PCDH18: variants seen among roughly 807,000 people sequenced by gnomAD.
PCDH18 encodes protocadherin-18.
In PCDH18, 38 loss-of-function variants were observed where a neutral mutation model predicts 71.5. That is an observed-to-expected ratio of 0.53 (90% CI 0.41 to 0.70). The LOEUF (loss-of-function observed/expected upper bound fraction) is 0.70, where lower values mean the gene tolerates loss of function less well. Among genes scored for constraint, PCDH18 ranks in the 30% least tolerant of loss-of-function variants. The pLI, the probability that PCDH18 is intolerant of heterozygous loss-of-function variation, is 0.00. For missense variants in PCDH18, 1,334 were observed against 1,384.6 expected, an observed-to-expected ratio of 0.96 and a Z score of 0.58; for synonymous variants, 565 against 505.4, an observed-to-expected ratio of 1.12 and a Z score of -1.58.
At chr4:137,529,357 G>A in intron 1 of PCDH18, 1 of 395,508 alleles carries the variant, frequency 2.5e-6, no homozygotes, top group Non-Finnish European at 4.5e-6. Flanking sequence ...ATAGTCCTTT[G>A]TGACCTTCAC....
chr4:137,524,810 A>G (rs1578741908), intron 3 of PCDH18, among the ~76,000 whole-genome samples: 1 of 152,306 alleles, frequency 6.6e-6, no homozygotes, highest in Admixed American at 6.5e-5. Flanking sequence ...AAAAATGTGG[A>G]TTAAAATGTT....
chr4:137,520,191 T>C lies in PCDH18; in HGVS notation c.*838A>G, dbSNP rs527261599. The C allele has an allele frequency of 2.0e-5, 3 of 152,768 alleles. No individual in the cohort carries two copies. Among genetic ancestry groups the C allele is most frequent in the Non-Finnish European group, 4.4e-5 (3 of 68,036 alleles). The allele number at this position is 152,768 out of a possible 1,614,324, so 9.5% of individuals were successfully genotyped here. A position where few individuals can be genotyped will look rare whatever the true frequency, so the allele number is the denominator to read the frequency against. The stretch of plus-strand genomic sequence containing the variant: ...TTTTATGCCATTAGAACACATACTG[T>C]TATCCATTTAAAGGACAGATTCCAT... On this transcript the variant is annotated 3_prime_UTR_variant, in exon 4 of 4. Transcript: ENST00000344876.
In PCDH18 at chr4:137,521,529, C is replaced by A. The variant is rs764127203; in HGVS notation, c.2908G>T (p.Asp970Tyr). 6.2e-7 allele frequency: 1 copy of A among 1,614,140 alleles called. No individual in the cohort carries two copies. The highest frequency in any genetic ancestry group is 8.5e-7 in the Non-Finnish European group (1 of 1,180,036). ...QQHPHQSLED[D>Y]AQPADSGEKK... ...TCACCGGAATCTGCAGGCTGAGCGT[C>A]ATCCTCAAGACTCTGATGTGGATGC... The change falls in exon 4 of 4, where the codon GAC (aspartate) becomes TAC (tyrosine). Residue 970 changes from aspartate to tyrosine, a missense_variant. Asp to Tyr is a radical substitution (Grantham distance 160). This residue lies in a region of PCDH18 where 319 missense variants were observed against 316.3 expected (regional missense o/e 1.01). Transcript: ENST00000344876.
At position 137,531,298 on chromosome 4, in the gene PCDH18, A is replaced by G; in HGVS notation, c.791T>C (p.Leu264Ser). 1 of 1,614,154 alleles carries G rather than the reference A, an allele frequency of 6.2e-7. No homozygotes were observed. Among genetic ancestry groups the G allele is most frequent in the Non-Finnish European group, 8.5e-7 (1 of 1,180,020 alleles). Residue 264 changes from leucine (L) to serine (S), a missense_variant, in exon 1 of 4, where the codon TTG (leucine) becomes TCG (serine). This residue lies in a region of PCDH18 where 1,011 missense variants were observed against 1,048.0 expected (regional missense o/e 0.96). Coordinates refer to ENST00000344876, the MANE Select transcript of PCDH18 (RefSeq NM_019035.5). ...ATCCGTGGCATTCAGATCTAAGAGC[A>G]AAGTGCCAACCGGGGAGTTTTCTAA... The part of the protein sequence containing the change: ...QLLENSPVGT[L>S]LLDLNATDPD...
intron 3 of PCDH18, among the ~76,000 whole-genome samples, chr4:137,526,625 GC>G (rs1731469721): frequency 1.3e-5 from 2 of 151,940 alleles, no homozygotes; most frequent in South Asian, 4.2e-4. Flanking sequence ...GTGCAAACAG[GC>G]TCTCAGGTAC....
Position 137,529,851 on chromosome 4 carries a change from G to T in PCDH18, c.2238C>A (p.His746Gln). ...GAATCTGCCGGGATGGCCTTTTTGGGTGGTGCTGGTAAGTTGATTCGGCCA... is the reference window on the plus strand; with the variant it reads ...GAATCTGCCGGGATGGCCTTTTTGGTTGGTGCTGGTAAGTTGATTCGGCCA... ...CRVAESTYQH[H>Q]PKRPSRQIHK... is the part of the protein sequence containing the mutation. The change falls in exon 1 of 4, where the codon CAC becomes CAA. Residue 746 changes from histidine (H) to glutamine (Q), a missense_variant. His to Gln is a conservative substitution (Grantham distance 24, BLOSUM62 0). This residue lies in a region of PCDH18 where 1,011 missense variants were observed against 1,048.0 expected (regional missense o/e 0.96). Coordinates refer to ENST00000344876, the MANE Select transcript of PCDH18 (RefSeq NM_019035.5). 6.2e-7 allele frequency: 1 copy of T among 1,612,418 alleles called. No homozygotes were observed. The highest frequency in any genetic ancestry group is 1.7e-5 in the Admixed American group (1 of 59,916).
chr4:137,525,557 T>C (rs1313131278), intron 3 of PCDH18, among the ~76,000 whole-genome samples: 1 of 152,140 alleles, frequency 6.6e-6, no homozygotes, highest in African/African-American at 2.4e-5. Flanking sequence ...TTGGAATATG[T>C]GTCATCAAAA....
chr4:137,523,055 G>A (rs1731346364), intron 3 of PCDH18, among the ~76,000 whole-genome samples: 1 of 152,098 alleles, frequency 6.6e-6, no homozygotes, highest in African/African-American at 2.4e-5. Context: ...TTAATGAAAA[G>A]GAGGATAATT....
intron 3 of PCDH18, among the ~76,000 whole-genome samples, chr4:137,525,280 G>A (rs1319267011): frequency 1.3e-5 from 2 of 152,104 alleles, no homozygotes; most frequent in African/African-American, 4.8e-5. Context: ...TTAATAGCAT[G>A]AATGACCAGA....
chr4:137,529,619 C>A lies in PCDH18; in HGVS notation c.2470G>T (p.Ala824Ser), dbSNP rs758491524. The A allele has an allele frequency of 4.4e-6, 7 of 1,602,442 alleles. No individual in the cohort carries two copies. The highest frequency in any genetic ancestry group is 6.0e-6 in the Non-Finnish European group (7 of 1,172,882). ...GATCTTACCTCAACAGCAGGAGTGG[C>A]GTGGGTGAGTTCTAATGAGAAATTC... is the stretch of plus-strand genomic sequence containing the variant. The part of the protein sequence containing the change: ...PENFSLELTH[A>S]TPAVEQVSQL... Residue 824 changes from alanine (A) to serine (S), a missense_variant, in exon 1 of 4, where the codon GCC becomes TCC. Around this residue, in one of 3 missense-constraint regions of PCDH18, gnomAD observed 1,011 missense variants for 1,048.0 expected, o/e 0.96. Transcript: ENST00000344876.
rs1239971462 is a variant in PCDH18, at chr4:137,530,338, T to C, written c.1751A>G (p.Asn584Ser). ...PVVIGPALRN[N>S]TAEITIPKGA... ...TTTGGGAATGGTGATTTCTGCCGTATTATTACGCAATGCAGGCCCTATAAC... is the reference window on the plus strand; with the variant it reads ...TTTGGGAATGGTGATTTCTGCCGTACTATTACGCAATGCAGGCCCTATAAC... The change falls in exon 1 of 4, where the codon AAT (asparagine) becomes AGT (serine). Residue 584 changes from asparagine (N) to serine (S), a missense_variant. By Grantham distance (46) the Asn-to-Ser change is conservative. Transcript: ENST00000344876. 3.0e-5 allele frequency: 49 copies of C among 1,613,502 alleles called. No homozygotes were observed. The highest frequency in any genetic ancestry group is 3.8e-5 in the Non-Finnish European group (45 of 1,179,626).
Position 137,530,133 on chromosome 4 carries a change from C to G in PCDH18, c.1956G>C (p.Trp652Cys), listed in dbSNP as rs368789161. The G allele has an allele frequency of 3.6e-5, 58 of 1,612,692 alleles. No individual in the cohort carries two copies. Among genetic ancestry groups the G allele is most frequent in the Non-Finnish European group, 4.8e-5 (57 of 1,178,962 alleles). Reference protein sequence around the residue: ...VSMDSVPYTEWELSVIIQDKG... With the variant: ...VSMDSVPYTECELSVIIQDKG... ...TGTCCTGAATGATAACTGACAGCTC[C>G]CATTCTGTGTAGGGAACAGAATCCA... Residue 652 changes from tryptophan to cysteine, a missense_variant, in exon 1 of 4, where the codon TGG becomes TGC. By Grantham distance (215) the Trp-to-Cys change is radical. This residue lies in a region of PCDH18 where 1,011 missense variants were observed against 1,048.0 expected (regional missense o/e 0.96). Coordinates refer to ENST00000344876, the MANE Select transcript of PCDH18 (RefSeq NM_019035.5).
chr4:137,525,042 A>G lies in PCDH18; in HGVS notation c.2741-3346T>C, dbSNP rs181662243. 9.9e-4 allele frequency among the ~76,000 whole-genome samples: 150 copies of G among 152,152 alleles called. 1 individual carries two copies. Among genetic ancestry groups the G allele is most frequent in the Non-Finnish European group, 1.8e-4 (12 of 67,984 alleles). On this transcript the variant is annotated intron_variant, in intron 3 of 3. Transcript: ENST00000344876. ...GAGACGACAGACTGATGAAAAGTGG[A>G]TTGGACTCAATCAAGAAAAATGAGC...
Position 137,527,595 on chromosome 4 carries a change from A to C in PCDH18, c.2740+883T>G, listed in dbSNP as rs1056123025. 2.2e-4 allele frequency among the ~76,000 whole-genome samples: 34 copies of C among 152,308 alleles called. 1 individual carries two copies. The highest frequency in any genetic ancestry group is 3.4e-3 in the Middle Eastern group (1 of 294). On this transcript the variant is annotated intron_variant, in intron 3 of 3. Coordinates refer to ENST00000344876, the MANE Select transcript of PCDH18 (RefSeq NM_019035.5). ...TGTATTCAAAAATAGAGGTGCGATGAAACTAAGATGGGTGATATTGTGTTG... is the reference window on the plus strand; with the variant it reads ...TGTATTCAAAAATAGAGGTGCGATGCAACTAAGATGGGTGATATTGTGTTG...
chr4:137,528,507 A>G lies in PCDH18; in HGVS notation c.2711T>C (p.Leu904Pro), dbSNP rs1379521577. ...DRLLGEGFSD[L>P]FLTDGRIPAA... ...TGGAATTCTTCCATCTGTGAGAAAC[A>G]GGTCGCTGAATCCTTCACCCAACAG... The change falls in exon 3 of 4, where the codon CTG becomes CCG. Residue 904 changes from leucine to proline, a missense_variant. Transcript: ENST00000344876. 8 of 1,613,800 alleles carry G rather than the reference A, an allele frequency of 5.0e-6. No homozygotes were observed. Among genetic ancestry groups the G allele is most frequent in the East Asian group, 4.5e-5 (2 of 44,872 alleles).
At chr4:137,521,888 A>G (rs1360031184) in intron 3 of PCDH18, among the ~76,000 whole-genome samples, 192 bp from the exon 4 acceptor site, 1 of 152,232 alleles carries the variant, frequency 6.6e-6, no homozygotes, top group African/African-American at 2.4e-5. Flanking sequence ...ATAGACCTCC[A>G]TAAGTGTTAT....
In PCDH18 at chr4:137,521,548, T is replaced by C; in HGVS notation, c.2889A>G (p.Pro963=). The C allele has an allele frequency of 3.1e-6, 5 of 1,614,122 alleles. No homozygotes were observed. Among genetic ancestry groups the C allele is most frequent in the Non-Finnish European group, 4.2e-6 (5 of 1,180,036 alleles). ...EFPTQPQQQH[P]HQSLEDDAQP... ...GAGCGTCATCCTCAAGACTCTGATG[T>C]GGATGCTGCTGCTGGGGTTGCGTTG... is the stretch of plus-strand genomic sequence containing the variant. The change falls in exon 4 of 4, where the codon CCA becomes CCG. Residue 963 remains proline (P), a synonymous_variant. Coordinates refer to ENST00000344876, the MANE Select transcript of PCDH18 (RefSeq NM_019035.5).
In PCDH18 at chr4:137,529,725, C is replaced by T; in HGVS notation, c.2364G>A (p.Gly788=). The change falls in exon 1 of 4, where the codon GGG becomes GGA. Residue 788 remains glycine (G), a synonymous_variant. Transcript: ENST00000344876. ...TGTGACTCTGCCGGCTGCCCATCTG[C>T]CCTCTTTCTAAGGTAGGAGATGAAG... is the stretch of plus-strand genomic sequence containing the variant. ...SPSSSPTLER[G]QMGSRQSHNS... is the part of the protein sequence containing the mutation. 6.2e-7 allele frequency: 1 copy of T among 1,613,968 alleles called. No homozygotes were observed. The highest frequency in any genetic ancestry group is 8.5e-7 in the Non-Finnish European group (1 of 1,179,892).
At chr4:137,528,679 A>C (rs576493849) in intron 2 of PCDH18, 38 bp from the exon 3 acceptor site, 1 of 1,608,944 alleles carries the variant, frequency 6.2e-7, no homozygotes, top group African/African-American at 1.3e-5. Flanking sequence ...TACAGTTTTT[A>C]CTCTTCAGCA....
Sources: allele counts gnomAD v4.1 joint callset (sites outside exome capture counted in the v4.1 genomes callset), GRCh38; gene constraint gnomAD v4.1.1; regional missense constraint gnomAD v4.1.1; transcripts MANE v1.5; gene names NCBI Gene and HGNC (gene_info 2026-07-23, HGNC 2026-07-21).